Variants in ADAMTS16 observed in about 807,000 individuals in gnomAD.
ADAMTS16 encodes ADAM metallopeptidase with thrombospondin type 1 motif 16.
A neutral mutation model predicts 145.8 loss-of-function variants in ADAMTS16; 94 were observed. That is an observed-to-expected ratio of 0.64 (90% CI 0.55 to 0.77). The LOEUF (loss-of-function observed/expected upper bound fraction) is 0.77, where lower values mean the gene tolerates loss of function less well. Among genes scored for constraint, ADAMTS16 ranks in the 30% least tolerant of loss-of-function variants. The pLI is 0.00. For synonymous variants in ADAMTS16, 659 were observed against 604.3 expected, an observed-to-expected ratio of 1.09 and a Z score of -1.33; for missense variants, 1,585 against 1,591.5, an observed-to-expected ratio of 1.00 and a Z score of 0.07.
intron 3 of ADAMTS16, among the ~76,000 whole-genome samples, chr5:5,153,651 G>T (rs1734528428): frequency 6.6e-6 from 1 of 152,126 alleles, no homozygotes; most frequent in African/African-American, 2.4e-5. Flanking sequence ...ATATTTTTAA[G>T]TGAGGGTTGT....
At chr5:5,220,742 T>C (rs770226809) in intron 10 of ADAMTS16, among the ~76,000 whole-genome samples, 2 of 152,048 alleles carry the variant, frequency 1.3e-5, no homozygotes, top group Non-Finnish European at 2.9e-5. Flanking sequence ...GACGTTGCTG[T>C]CCTCATGTGC....
rs73037140 is a variant in ADAMTS16, at chr5:5,233,774, G to A, written c.1851-1240G>A. On this transcript the variant is annotated intron_variant, in intron 12 of 22. Coordinates refer to ENST00000274181, the MANE Select transcript of ADAMTS16 (RefSeq NM_139056.4). Reference sequence around the variant, plus strand: ...GCGTTTAGGTTGACTCCATGTCTTCGCTATTGTGAAGGTGCTGCACAATGA... The same window carrying A: ...GCGTTTAGGTTGACTCCATGTCTTCACTATTGTGAAGGTGCTGCACAATGA... Among the ~76,000 whole-genome samples, 904 of 152,216 alleles carry A rather than the reference G, an allele frequency of 5.9e-3. 9 individuals carry two copies. Among genetic ancestry groups the A allele is most frequent in the African/African-American group, 0.02 (849 of 41,520 alleles).
rs1210021507 is a variant in ADAMTS16, at chr5:5,303,726, A to G, written c.3146A>G (p.Lys1049Arg). Residue 1049 changes from lysine to arginine, a missense_variant, in exon 20 of 23, where the codon AAG (lysine) becomes AGG (arginine). Transcript: ENST00000274181. ...HEACLLQRCH[K>R]PKKLQWLVSA... ...GCCTGTCTGCTTCAGCGCTGCCACAAGCCCAAGAAGCTGCAGTGGCTGGTG... is the reference window on the plus strand; with the variant it reads ...GCCTGTCTGCTTCAGCGCTGCCACAGGCCCAAGAAGCTGCAGTGGCTGGTG... 4 of 1,613,264 alleles carry G rather than the reference A, an allele frequency of 2.5e-6. No individual in the cohort carries two copies. The highest frequency in any genetic ancestry group is 3.4e-6 in the Non-Finnish European group (4 of 1,180,042).
chr5:5,294,685 A>T (rs1739460088), intron 18 of ADAMTS16, among the ~76,000 whole-genome samples: 1 of 152,246 alleles, frequency 6.6e-6, no homozygotes. Flanking sequence ...CTCAGCCAAC[A>T]TGAATGATAC....
intron 3 of ADAMTS16, among the ~76,000 whole-genome samples, chr5:5,152,434 TC>T (rs1165043214): frequency 2.6e-5 from 4 of 152,194 alleles, no homozygotes; most frequent in African/African-American, 9.7e-5. Context: ...TAGTGTCCAT[TC>T]TATGTGTAGG....
At chr5:5,294,610 A>T (rs1216553873) in intron 18 of ADAMTS16, among the ~76,000 whole-genome samples, 1 of 152,260 alleles carries the variant, frequency 6.6e-6, no homozygotes, top group Non-Finnish European at 1.5e-5. Flanking sequence ...AATGTCTAGA[A>T]TAATGCTCAG....
intron 3 of ADAMTS16, among the ~76,000 whole-genome samples, chr5:5,166,040 T>G (rs190045602): frequency 6.6e-6 from 1 of 152,298 alleles, no homozygotes; most frequent in East Asian, 1.9e-4. Flanking sequence ...CTTCCACAGG[T>G]CCCCATGCAC....
intron 18 of ADAMTS16, among the ~76,000 whole-genome samples, chr5:5,288,873 A>G (rs542053381): frequency 4.6e-5 from 7 of 152,138 alleles, no homozygotes; most frequent in African/African-American, 2.4e-5. Flanking sequence ...CAGCTGTATG[A>G]TGCTGACCAT....
At chr5:5,248,022 G>A (rs1053695300) in intron 17 of ADAMTS16, among the ~76,000 whole-genome samples, 16 of 152,232 alleles carry the variant, frequency 1.1e-4, no homozygotes, top group African/African-American at 3.4e-4. Context: ...TAATGCGCAT[G>A]CATGAGGCAT....
At chr5:5,247,358 G>A (rs933595408) in intron 17 of ADAMTS16, among the ~76,000 whole-genome samples, 38 of 149,382 alleles carry the variant, frequency 2.5e-4, no homozygotes, top group African/African-American at 8.1e-4. Context: ...TTACCCCCCC[G>A]CCCCCCGATC....
chr5:5,211,757 T>C (rs1356439649), intron 10 of ADAMTS16, among the ~76,000 whole-genome samples: 1 of 152,180 alleles, frequency 6.6e-6, no homozygotes, highest in Admixed American at 6.5e-5. Context: ...TTTTTAATAT[T>C]ATTAAGCAAA....
Position 5,146,205 on chromosome 5 carries a change from G to T in ADAMTS16, c.251G>T (p.Arg84Leu). ...YVSHEIMHHQ[R>L]RRRAVPVSEV... ...TCCCATGAAATCATGCACCATCAGC[G>T]GCGGAGAAGAGCAGTGCCCGTGTCC... The change falls in exon 3 of 23, where the codon CGG becomes CTG. Residue 84 changes from arginine to leucine, a missense_variant. Arg to Leu is a moderately radical substitution (Grantham distance 102). Coordinates refer to ENST00000274181, the MANE Select transcript of ADAMTS16 (RefSeq NM_139056.4). The T allele has an allele frequency of 6.2e-7, 1 of 1,614,164 alleles. No homozygotes were observed. The highest frequency in any genetic ancestry group is 8.5e-7 in the Non-Finnish European group (1 of 1,180,038).
At chr5:5,238,521 T>C (rs1243520987) in intron 14 of ADAMTS16, among the ~76,000 whole-genome samples, 1 of 152,320 alleles carries the variant, frequency 6.6e-6, no homozygotes, top group African/African-American at 2.4e-5. Context: ...AAAAACACTG[T>C]AAGTTGTGAA....
At chr5:5,150,736 G>A (rs1394820399) in intron 3 of ADAMTS16, among the ~76,000 whole-genome samples, 2 of 152,194 alleles carry the variant, frequency 1.3e-5, no homozygotes, top group Non-Finnish European at 2.9e-5. Flanking sequence ...AAAATGGGGA[G>A]GACTCAGTTG....
chr5:5,298,650 A>G (rs1739645829), intron 18 of ADAMTS16, among the ~76,000 whole-genome samples: 1 of 110,840 alleles, frequency 9.0e-6, no homozygotes, highest in African/African-American at 3.3e-5. Flanking sequence ...GATTTTTCCA[A>G]CTGACATCTC....
At chr5:5,275,187 A>G (rs1308229472) in intron 18 of ADAMTS16, among the ~76,000 whole-genome samples, 1 of 152,192 alleles carries the variant, frequency 6.6e-6, no homozygotes, top group African/African-American at 2.4e-5. Flanking sequence ...ATTAGGCACC[A>G]TTGCTCTATT....
Position 5,319,746 on chromosome 5 carries a change from G to A in ADAMTS16, c.*608G>A. 2 of 411,800 alleles carry A rather than the reference G, an allele frequency of 4.9e-6. No individual in the cohort carries two copies. The highest frequency in any genetic ancestry group is 9.6e-6 in the Non-Finnish European group (2 of 208,472). The allele number at this position is 411,800 out of a possible 1,614,324, so 25.5% of individuals were successfully genotyped here. On this transcript the variant is annotated 3_prime_UTR_variant, in exon 23 of 23. Transcript: ENST00000274181. ...GCCAGCGTCATCTCTAGGGTCACTG[G>A]CCAGGGGACTGCATTCTGGTTTGGG...
At chr5:5,252,123 G>A (rs112315155) in intron 17 of ADAMTS16, among the ~76,000 whole-genome samples, 5,694 of 152,218 alleles carry the variant, frequency 0.037, 113 homozygotes, top group Middle Eastern at 0.054. Context: ...TGCTGGGATT[G>A]CAGGCGTGAG....
chr5:5,237,272 G>C (rs1450375465), intron 14 of ADAMTS16, among the ~76,000 whole-genome samples, 173 bp downstream of exon 14: 1 of 152,232 alleles, frequency 6.6e-6, no homozygotes, highest in African/African-American at 2.4e-5. Flanking sequence ...CTTTGCTGCA[G>C]TGGAAGTGTG....
Sources: allele counts gnomAD v4.1 joint callset (sites outside exome capture counted in the v4.1 genomes callset), GRCh38; gene constraint gnomAD v4.1.1; transcripts MANE v1.5; gene names NCBI Gene and HGNC (gene_info 2026-07-23, HGNC 2026-07-21).